PKHD1: variants seen among roughly 807,000 people sequenced by gnomAD.
The protein encoded by PKHD1 is fibrocystin.
PKHD1 carries 291 observed loss-of-function variants against 412.0 expected under a neutral mutation model. The ratio of observed to expected loss-of-function variants is 0.71; its 90% CI spans 0.64 to 0.78. PKHD1 has a LOEUF of 0.78. PKHD1 is among the 30% of genes least tolerant of loss of function. PKHD1 has a pLI of 0.00. For missense variants in PKHD1, 4,825 were observed against 4,950.7 expected, an observed-to-expected ratio of 0.97 and a Z score of 0.76; for synonymous variants, 1,777 against 1,821.5, an observed-to-expected ratio of 0.98 and a Z score of 0.62.
chr6:51,730,528 G>T (rs543161543), intron 60 of PKHD1, among the ~76,000 whole-genome samples: 3 of 151,944 alleles, frequency 2.0e-5, no homozygotes, highest in Non-Finnish European at 2.9e-5. Flanking sequence ...ATCTATTTCC[G>T]ACTTTTAGAA....
chr6:51,912,713 T>C, intron 37 of PKHD1, 137 bp from the exon 38 acceptor site: 1 of 707,510 alleles, frequency 1.4e-6, no homozygotes, highest in Non-Finnish European at 2.6e-6. Flanking sequence ...AGCTTCAGGA[T>C]AGGTAAGCAC....
chr6:52,028,623 C>T (rs1303803898), intron 29 of PKHD1, among the ~76,000 whole-genome samples: 1 of 151,916 alleles, frequency 6.6e-6, no homozygotes, highest in Non-Finnish European at 1.5e-5. Flanking sequence ...GCAATCCTCC[C>T]AACTCAGCCT....
intron 43 of PKHD1, among the ~76,000 whole-genome samples, chr6:51,896,341 A>G (rs1159792655): frequency 6.6e-6 from 1 of 152,112 alleles, no homozygotes; most frequent in Non-Finnish European, 1.5e-5. Flanking sequence ...TGCCTCCTCA[A>G]GTGGGTCCCT....
chr6:51,767,848 G>A (rs914593747), intron 55 of PKHD1, among the ~76,000 whole-genome samples: 1 of 152,092 alleles, frequency 6.6e-6, no homozygotes, highest in African/African-American at 2.4e-5. Context: ...GGGATGGCTG[G>A]ATCAAATGGT....
intron 2 of PKHD1, among the ~76,000 whole-genome samples, chr6:52,084,176 C>A (rs774064670): frequency 6.6e-6 from 1 of 152,134 alleles, no homozygotes; most frequent in East Asian, 1.9e-4. Context: ...AAAGTGTTAC[C>A]GACAGAATTA....
chr6:52,062,009 C>A lies in PKHD1; in HGVS notation c.1118+510G>T, dbSNP rs1582035844. ...GAAAATTAGAATCATGATGCCATCA[C>A]TACTACTGAAAACAATGTCTCACAG... On this transcript the variant is annotated intron_variant, in intron 14 of 66. Coordinates refer to ENST00000371117, the MANE Select transcript of PKHD1 (RefSeq NM_138694.4). Among the ~76,000 whole-genome samples the A allele has an allele frequency of 2.0e-5, 3 of 152,280 alleles. No individual in the cohort carries two copies. In the East Asian group the frequency reaches 5.8e-4, roughly 29 times the overall value.
At chr6:51,968,806 G>A (rs1031108530) in intron 35 of PKHD1, among the ~76,000 whole-genome samples, 4 of 152,168 alleles carry the variant, frequency 2.6e-5, no homozygotes, top group South Asian at 2.1e-4. Flanking sequence ...CAGGAGAAAC[G>A]TTGCTTTCAC....
intron 6 of PKHD1, among the ~76,000 whole-genome samples, chr6:52,074,318 T>C (rs1005614426): frequency 1.3e-5 from 2 of 152,230 alleles, no homozygotes; most frequent in Non-Finnish European, 2.9e-5. Context: ...ACTCATTGGA[T>C]GACTCTCACT....
chr6:51,823,918 T>C (rs1175553363), intron 52 of PKHD1, among the ~76,000 whole-genome samples: 2 of 152,126 alleles, frequency 1.3e-5, no homozygotes, highest in Non-Finnish European at 2.9e-5. Flanking sequence ...GTGTTTTGTC[T>C]CAAAATTCAA....
intron 50 of PKHD1, among the ~76,000 whole-genome samples, chr6:51,837,099 T>G (rs1769366696): frequency 6.6e-6 from 1 of 152,222 alleles, no homozygotes; most frequent in Non-Finnish European, 1.5e-5. Flanking sequence ...TGGGAACATA[T>G]GCTCCTTTGC....
chr6:51,872,587 T>G (rs187317887), intron 46 of PKHD1, among the ~76,000 whole-genome samples: 1 of 152,118 alleles, frequency 6.6e-6, no homozygotes, highest in Admixed American at 6.5e-5. Context: ...TTTTGTACTT[T>G]TAGTAGAGAC....
chr6:51,810,832 G>A (rs1764578665), intron 52 of PKHD1, among the ~76,000 whole-genome samples: 1 of 152,122 alleles, frequency 6.6e-6, no homozygotes, highest in Non-Finnish European at 1.5e-5. Flanking sequence ...GGAATATCGT[G>A]CCTCATTATT....
Position 52,083,186 on chromosome 6 carries a change from A to C in PKHD1, c.122T>G (p.Ile41Ser), listed in dbSNP as rs886043527. ...SLAGGTWITV[I>S]FDGLELGVLY... The stretch of plus-strand genomic sequence containing the variant: ...GTAAAACCCCAACCTACCATCAAAA[A>C]TGACTGTGATCCACGTTCCCCCTGC... Residue 41 changes from isoleucine (I) to serine (S), a missense_variant, in exon 3 of 67, where the codon ATT (isoleucine) becomes AGT (serine). Ile to Ser is a moderately radical substitution (Grantham distance 142). Transcript: ENST00000371117. 5.0e-6 allele frequency: 8 copies of C among 1,604,692 alleles called. No homozygotes were observed. Among genetic ancestry groups the C allele is most frequent in the Non-Finnish European group, 6.0e-6 (7 of 1,171,376 alleles).
intron 11 of PKHD1, among the ~76,000 whole-genome samples, chr6:52,067,501 G>A (rs1809915016): frequency 6.6e-6 from 1 of 152,152 alleles, no homozygotes; most frequent in Non-Finnish European, 1.5e-5. Context: ...AGATCAGCAT[G>A]GTAAGGCAGG....
At chr6:51,708,307 T>C (rs539857812) in intron 60 of PKHD1, among the ~76,000 whole-genome samples, 4 of 152,300 alleles carry the variant, frequency 2.6e-5, no homozygotes, top group South Asian at 2.1e-4. Context: ...CTGGAATCCA[T>C]GTATTTCTCA....
intron 60 of PKHD1, among the ~76,000 whole-genome samples, chr6:51,729,079 T>C (rs1375476641): frequency 6.6e-6 from 1 of 152,230 alleles, no homozygotes; most frequent in African/African-American, 2.4e-5. Flanking sequence ...CCAAGAAAGG[T>C]TGCATCCTAC....
chr6:51,638,016 A>G (rs2150324717), intron 64 of PKHD1, among the ~76,000 whole-genome samples: 1 of 152,348 alleles, frequency 6.6e-6, no homozygotes, highest in African/African-American at 2.4e-5. Flanking sequence ...AAGTTTATTA[A>G]GTTCTCTCAA....
At chr6:51,724,678 G>C (rs373401786) in intron 60 of PKHD1, among the ~76,000 whole-genome samples, 1 of 152,146 alleles carries the variant, frequency 6.6e-6, no homozygotes, top group African/African-American at 2.4e-5. Flanking sequence ...CTAAACATCA[G>C]TATCTATGAA....
chr6:51,856,047 T>C lies in PKHD1; in HGVS notation c.7757A>G (p.Tyr2586Cys). 6.2e-7 allele frequency: 1 copy of C among 1,603,672 alleles called. No individual in the cohort carries two copies. The change falls in exon 49 of 67, where the codon TAT becomes TGT. Residue 2586 changes from tyrosine to cysteine, a missense_variant. Transcript: ENST00000371117. ...IGLANTPEVSYDLTMTDSRNK... is the reference protein window; with the variant it reads ...IGLANTPEVSCDLTMTDSRNK... The stretch of plus-strand genomic sequence containing the variant: ...TCTGCTGTCAGTCATGGTTAAATCA[T>C]AAGAAACTTCAGGAGTATTCGCTCT...
Sources: allele counts gnomAD v4.1 joint callset (sites outside exome capture counted in the v4.1 genomes callset), GRCh38; gene constraint gnomAD v4.1.1; transcripts MANE v1.5; gene names NCBI Gene and HGNC (gene_info 2026-07-23, HGNC 2026-07-21).